Variants in SPMIP6 observed in about 807,000 individuals in gnomAD.
SPMIP6 encodes ciliated bronchial epithelial protein 1.
the SPMIP6 span, among the ~76,000 whole-genome samples, chr9:34,388,143 T>C: frequency 4.9e-4 from 1 of 2,042 alleles, no homozygotes; most frequent in African/African-American, 8.4e-4. Flanking sequence ...TTTAACTGCT[T>C]TTTTTTTTTT....
chr9:34,380,687 G>A, the SPMIP6 span: 29 of 1,547,000 alleles, frequency 1.9e-5, 1 homozygote, highest in South Asian at 3.1e-4. Flanking sequence ...GGGACTTGGA[G>A]TAACCTTCGT....
At chr9:34,388,932 CTTTTT>C in the SPMIP6 span, among the ~76,000 whole-genome samples, 4 of 109,816 alleles carry the variant, frequency 3.6e-5, no homozygotes, top group African/African-American at 1.1e-4. Context: ...CTCTCTCTTT[CTTTTT>C]TTTTTTTTTT....
the SPMIP6 span, among the ~76,000 whole-genome samples, chr9:34,391,270 G>T: frequency 6.6e-6 from 1 of 152,038 alleles, no homozygotes; most frequent in African/African-American, 2.4e-5. Context: ...TCTATTGTTA[G>T]ACCCTTCTTT....
At chr9:34,393,077 A>G in the SPMIP6 span, among the ~76,000 whole-genome samples, 46 of 152,336 alleles carry the variant, frequency 3.0e-4, no homozygotes, top group Middle Eastern at 3.4e-3. Context: ...CTCATGGCCA[A>G]TTAGGAAACA....
At chr9:34,397,651 G>A in the SPMIP6 span, 1 of 1,570,616 alleles carries the variant, frequency 6.4e-7, no homozygotes, top group Admixed American at 1.8e-5. Context: ...TCTTGGAGAT[G>A]CCGTGGTGGG....
chr9:34,397,376 G>A, the SPMIP6 span: 1 of 1,077,924 alleles, frequency 9.3e-7, no homozygotes, highest in Non-Finnish European at 1.4e-6. Context: ...TAAATTCTGT[G>A]CCTAGGTAAA....
At chr9:34,382,413 C>T in the SPMIP6 span, among the ~76,000 whole-genome samples, 1 of 152,156 alleles carries the variant, frequency 6.6e-6, no homozygotes, top group African/African-American at 2.4e-5. Context: ...GCAAGATCCC[C>T]GTCTCTACTA....
the SPMIP6 span, among the ~76,000 whole-genome samples, chr9:34,392,294 G>C: frequency 6.6e-6 from 1 of 152,044 alleles, no homozygotes; most frequent in Non-Finnish European, 1.5e-5. The surrounding 1 kb of genome is among the most constrained non-coding windows in gnomAD (Gnocchi z 4.6). Flanking sequence ...AAACTCCTGG[G>C]CTCAAATGAT....
the SPMIP6 span, among the ~76,000 whole-genome samples, chr9:34,382,260 C>T: frequency 6.6e-6 from 1 of 152,178 alleles, no homozygotes; most frequent in Non-Finnish European, 1.5e-5. Flanking sequence ...CCAGCACAGC[C>T]CTACTTTTGG....
chr9:34,389,546 AT>A, the SPMIP6 span, among the ~76,000 whole-genome samples: 1 of 151,894 alleles, frequency 6.6e-6, no homozygotes, highest in African/African-American at 2.4e-5. Context: ...TGCCCTGCCA[AT>A]TTTTGTATTT....
chr9:34,381,253 C>T, the SPMIP6 span: 1 of 1,582,112 alleles, frequency 6.3e-7, no homozygotes, highest in African/African-American at 1.3e-5. This position sits in a 1 kb window ranked among gnomAD's most constrained non-coding sequence, Gnocchi z 4.4. Context: ...CAGGGTTCCA[C>T]CCTCTCCAGG....
chr9:34,396,310 AC>A, the SPMIP6 span, among the ~76,000 whole-genome samples: 1 of 152,212 alleles, frequency 6.6e-6, no homozygotes, highest in East Asian at 1.9e-4. Flanking sequence ...TTGGAGTTAG[AC>A]AAAATAAATT....
the SPMIP6 span, chr9:34,379,200 C>T: frequency 6.6e-7 from 1 of 1,511,734 alleles, no homozygotes; most frequent in Non-Finnish European, 9.2e-7. The surrounding 1 kb of genome is among the most constrained non-coding windows in gnomAD (Gnocchi z 4.2). Flanking sequence ...AGAGATGGGT[C>T]AGCCGTTTTG....
the SPMIP6 span, chr9:34,379,752 C>A: frequency 6.2e-7 from 1 of 1,602,884 alleles, no homozygotes; most frequent in Non-Finnish European, 8.5e-7. The surrounding 1 kb of genome is among the most constrained non-coding windows in gnomAD (Gnocchi z 4.2). Flanking sequence ...GAGGAAGCCG[C>A]GAGCATGGAG....
chr9:34,386,410 A>G, the SPMIP6 span, among the ~76,000 whole-genome samples: 18,634 of 151,984 alleles, frequency 0.12, 1,497 homozygotes, highest in Non-Finnish European at 0.18. Flanking sequence ...CCTGGCTAAC[A>G]TGGTGAAATC....
chr9:34,390,456 C>A, the SPMIP6 span, among the ~76,000 whole-genome samples: 1 of 152,014 alleles, frequency 6.6e-6, no homozygotes, highest in Non-Finnish European at 1.5e-5. Context: ...ATCTCATGTC[C>A]ATTTCTGCAT....
the SPMIP6 span, chr9:34,379,583 C>T: frequency 6.9e-7 from 1 of 1,443,366 alleles, no homozygotes; most frequent in East Asian, 2.3e-5. This position sits in a 1 kb window ranked among gnomAD's most constrained non-coding sequence, Gnocchi z 4.2. Context: ...CATCCTCCCC[C>T]AGCCCCGCCT....
the SPMIP6 span, chr9:34,380,546 G>A: frequency 8.2e-7 from 1 of 1,213,620 alleles, no homozygotes. Flanking sequence ...AGGGGGCAGG[G>A]CCAAGGAGAT....
At chr9:34,389,182 C>T in the SPMIP6 span, among the ~76,000 whole-genome samples, 88 of 152,198 alleles carry the variant, frequency 5.8e-4, no homozygotes, top group African/African-American at 2.1e-3. Context: ...AGTGATCCTC[C>T]TGCCTTAGAC....
Sources: gnomAD v4.1 joint callset for allele counts (sites outside exome capture counted in the v4.1 genomes callset) on GRCh38, gnomAD v4.1.1 for gene constraint, Gnocchi (gnomAD v3.1) non-coding constraint, MANE v1.5 for transcripts, NCBI Gene and HGNC (gene_info 2026-07-23, HGNC 2026-07-21) for gene names.